The following BIRC6 variants were observed in gnomAD, a reference collection of about 807,000 sequenced individuals.
The protein encoded by BIRC6 is baculoviral IAP repeat containing 6, also known as dual E2 ubiquitin-conjugating enzyme/E3 ubiquitin-protein ligase BIRC6.
BIRC6 carries 98 observed loss-of-function variants against 503.3 expected under a neutral mutation model. The ratio of observed to expected loss-of-function variants is 0.19; its 90% confidence interval spans 0.17 to 0.23. The LOEUF is 0.23. BIRC6 is among the 10% of genes least tolerant of loss of function. BIRC6 has a pLI of 1.00. For synonymous variants in BIRC6, 2,240 were observed against 2,078.7 expected, an observed-to-expected ratio of 1.08 and a Z score of -2.11; for missense variants, 5,360 against 5,806.0, an observed-to-expected ratio of 0.92 and a Z score of 2.50.
intron 65 of BIRC6, chr2:32,564,268 G>C (rs1319409463): frequency 6.6e-6 from 1 of 152,176 alleles, no homozygotes; most frequent in Non-Finnish European, 1.5e-5. Flanking sequence ...GCAGCAAAAT[G>C]TTTTCAGGGT....
intron 56 of BIRC6, 63 bp from the exon 57 acceptor site, chr2:32,518,754 A>G: frequency 2.3e-5 from 35 of 1,527,382 alleles, no homozygotes; most frequent in Non-Finnish European, 3.1e-5. Flanking sequence ...TTTTGAGATT[A>G]TTTTATAACA....
chr2:32,426,247 A>G (rs1239208098), intron 10 of BIRC6, among the ~76,000 whole-genome samples: 1 of 152,212 alleles, frequency 6.6e-6, no homozygotes, highest in Non-Finnish European at 1.5e-5. Context: ...TTCTAGTAAA[A>G]TATGTAGGAA....
At chr2:32,599,982 T>C (rs941585412) in intron 70 of BIRC6, 82 bp downstream of exon 70, 37 of 1,360,526 alleles carry the variant, frequency 2.7e-5, no homozygotes, top group Non-Finnish European at 3.5e-5. Context: ...AATTTTGTTT[T>C]AGTTATCTGC....
intron 65 of BIRC6, among the ~76,000 whole-genome samples, chr2:32,559,994 C>T (rs1409646131): frequency 1.3e-5 from 2 of 152,010 alleles, no homozygotes; most frequent in South Asian, 4.1e-4. Context: ...CCAGCCTGGG[C>T]AACAGGGTGA....
At chr2:32,467,305 T>G (rs1246529175) in intron 26 of BIRC6, among the ~76,000 whole-genome samples, 2 of 152,172 alleles carry the variant, frequency 1.3e-5, no homozygotes, top group African/African-American at 2.4e-5. Flanking sequence ...CTACTCTTAA[T>G]TTTCTACTTA....
intron 53 of BIRC6, among the ~76,000 whole-genome samples, chr2:32,511,446 T>C (rs1484918643): frequency 3.3e-5 from 5 of 149,338 alleles, no homozygotes; most frequent in African/African-American, 1.2e-4. Context: ...AGTAGCTGGG[T>C]CTACAGGCGA....
chr2:32,604,685 A>T (rs2062309946), intron 71 of BIRC6, among the ~76,000 whole-genome samples: 1 of 152,024 alleles, frequency 6.6e-6, no homozygotes, highest in Non-Finnish European at 1.5e-5. Context: ...TCTCAGATGT[A>T]ATTTTTTGTT....
chr2:32,572,622 T>G (rs2059992298), intron 65 of BIRC6, among the ~76,000 whole-genome samples: 1 of 152,216 alleles, frequency 6.6e-6, no homozygotes, highest in Non-Finnish European at 1.5e-5. Flanking sequence ...TGGATATAAT[T>G]TTGATTTTCC....
intron 50 of BIRC6, among the ~76,000 whole-genome samples, chr2:32,506,722 G>C (rs1367659617): frequency 6.6e-6 from 1 of 152,208 alleles, no homozygotes; most frequent in Non-Finnish European, 1.5e-5. Context: ...TATTGGATTA[G>C]AGCAGAAGTT....
intron 47 of BIRC6, among the ~76,000 whole-genome samples, chr2:32,502,555 A>G (rs922821926): frequency 6.6e-6 from 1 of 152,202 alleles, no homozygotes; most frequent in African/African-American, 2.4e-5. Flanking sequence ...GTCTAAATGC[A>G]TATTAAGAGA....
At chr2:32,401,713 A>G (rs1558628365) in intron 8 of BIRC6, 90 bp downstream of exon 8, 1 of 1,176,088 alleles carries the variant, frequency 8.5e-7, no homozygotes, top group African/African-American at 1.5e-5. Flanking sequence ...AAAGAGGAGG[A>G]AAAAAAAGTT....
At chr2:32,424,359 A>G (rs896364655) in intron 10 of BIRC6, among the ~76,000 whole-genome samples, 7 of 152,194 alleles carry the variant, frequency 4.6e-5, no homozygotes, top group South Asian at 4.1e-4. Flanking sequence ...AGGGGTGACT[A>G]TTGTAACTCA....
intron 49 of BIRC6, among the ~76,000 whole-genome samples, chr2:32,504,096 C>A (rs2053531747): frequency 6.8e-6 from 1 of 146,724 alleles, no homozygotes; most frequent in African/African-American, 2.5e-5. Flanking sequence ...GATGGGGTTT[C>A]ACCATGTTGT....
At chr2:32,489,955 CTTG>C in intron 42 of BIRC6, 83 bp from the exon 43 acceptor site, 1 of 927,910 alleles carries the variant, frequency 1.1e-6, no homozygotes, top group Non-Finnish European at 1.7e-6. Context: ...GAAATAGTGT[CTTG>C]TTTTTAAATT....
At chr2:32,459,391 G>GGTTTT (rs1235448215) in intron 23 of BIRC6, among the ~76,000 whole-genome samples, 2 of 151,958 alleles carry the variant, frequency 1.3e-5, no homozygotes, top group Non-Finnish European at 2.9e-5. Context: ...TGTTTGTGTA[G>GGTTTT]GTTTTGTTTT....
In BIRC6 at chr2:32,594,136, G is replaced by T. The variant is rs2061540677; in HGVS notation, c.13501+76G>T. Reference sequence around the variant, plus strand: ...CATTTACTTACTGAAACCTGCCTTTGTGTTTTTGCTTTATGTTAATGATTT... The same window carrying T: ...CATTTACTTACTGAAACCTGCCTTTTTGTTTTTGCTTTATGTTAATGATTT... On this transcript the variant is annotated intron_variant, in intron 67 of 73. Coordinates refer to ENST00000421745, the MANE Select transcript of BIRC6 (RefSeq NM_016252.4). 2.0e-6 allele frequency: 3 copies of T among 1,469,070 alleles called. No individual in the cohort carries two copies. The Admixed American group carries it at 7.1e-5, about 35-fold the overall frequency. 91.0% of individuals were successfully genotyped at this position (1,469,070 alleles called of 1,614,324 possible).
chr2:32,448,242 C>T (rs1405849054), intron 21 of BIRC6, among the ~76,000 whole-genome samples: 4 of 90,462 alleles, frequency 4.4e-5, no homozygotes, highest in Admixed American at 1.2e-4. Context: ...CCTCACTTCC[C>T]AGACGGGGTG....
At chr2:32,516,136 A>G (rs189847622) in intron 55 of BIRC6, among the ~76,000 whole-genome samples, 26 of 152,318 alleles carry the variant, frequency 1.7e-4, no homozygotes, top group African/African-American at 6.0e-4. Flanking sequence ...GTGTAACGAG[A>G]TTGCCATACT....
At chr2:32,547,234 A>G (rs938915353) in intron 63 of BIRC6, among the ~76,000 whole-genome samples, 4 of 152,108 alleles carry the variant, frequency 2.6e-5, no homozygotes, top group East Asian at 1.9e-4. Context: ...TCTCAATTCA[A>G]TTTTGAGTCA....
Sources: gnomAD v4.1 joint callset for allele counts (sites outside exome capture counted in the v4.1 genomes callset) on GRCh38, gnomAD v4.1.1 for gene constraint, MANE v1.5 for transcripts, NCBI Gene and HGNC (gene_info 2026-07-23, HGNC 2026-07-21) for gene names.